C8orf34: variants seen among roughly 807,000 people sequenced by gnomAD.
C8orf34 encodes uncharacterized protein C8orf34.
A neutral mutation model predicts 68.3 loss-of-function variants in C8orf34; 65 were observed. That is an observed-to-expected ratio of 0.95 (90% confidence interval 0.78 to 1.17). C8orf34 has a LOEUF of 1.17. C8orf34 is among the 50% of genes most tolerant of loss of function. C8orf34 has a pLI of 0.00. For missense variants in C8orf34, 664 were observed against 655.4 expected, an observed-to-expected ratio of 1.01 and a Z score of -0.14; for synonymous variants, 244 against 241.2, an observed-to-expected ratio of 1.01 and a Z score of -0.11.
At chr8:68,422,025 C>T (rs1340481498) in intron 1 of C8orf34, among the ~76,000 whole-genome samples, 1 of 152,180 alleles carries the variant, frequency 6.6e-6, no homozygotes, top group African/African-American at 2.4e-5. Context: ...ATTACCTCCA[C>T]CTGGTTCCAC....
intron 1 of C8orf34, among the ~76,000 whole-genome samples, chr8:68,399,371 A>G (rs1340158015): frequency 6.6e-6 from 1 of 152,044 alleles, no homozygotes; most frequent in Non-Finnish European, 1.5e-5. Flanking sequence ...GTCCATGTGT[A>G]CAGATTATTT....
At chr8:68,433,398 G>A (rs937638803) in intron 1 of C8orf34, among the ~76,000 whole-genome samples, 2 of 152,102 alleles carry the variant, frequency 1.3e-5, no homozygotes, top group African/African-American at 4.8e-5. Context: ...ACAATGCCCT[G>A]CATATGTATT....
intron 1 of C8orf34, among the ~76,000 whole-genome samples, chr8:68,382,373 C>T (rs1397240896): frequency 1.3e-5 from 2 of 152,144 alleles, no homozygotes; most frequent in Admixed American, 1.3e-4. Context: ...GTTTCCTCAT[C>T]TGTGATACAG....
At chr8:68,593,629 C>G (rs1817459980) in intron 7 of C8orf34, among the ~76,000 whole-genome samples, 1 of 151,870 alleles carries the variant, frequency 6.6e-6, no homozygotes, top group African/African-American at 2.4e-5. Context: ...TTTATATTTT[C>G]CTGTTCACAT....
chr8:68,567,894 C>G (rs1234028990), intron 7 of C8orf34, among the ~76,000 whole-genome samples: 1 of 151,872 alleles, frequency 6.6e-6, no homozygotes, highest in Non-Finnish European at 1.5e-5. Context: ...GCCTTCCTCA[C>G]TAAGCTAAAT....
Position 68,709,042 on chromosome 8 carries a change from A to T in C8orf34, c.1290A>T (p.Ile430=). Residue 430 remains isoleucine (I), a synonymous_variant, in exon 9 of 14, where the codon ATA becomes ATT. Coordinates refer to ENST00000518698, the MANE Select transcript of C8orf34 (RefSeq NM_052958.4). ...LEERTEESLP[I]LHSPDEKIPD... ...AAAGGACAGAAGAGTCACTACCAATACTCCATTCTCCAGATGAAAAAATCC... is the reference window on the plus strand; with the variant it reads ...AAAGGACAGAAGAGTCACTACCAATTCTCCATTCTCCAGATGAAAAAATCC... The T allele has an allele frequency of 1.2e-6, 2 of 1,610,926 alleles. No homozygotes were observed. Among genetic ancestry groups the T allele is most frequent in the Non-Finnish European group, 1.7e-6 (2 of 1,179,076 alleles).
chr8:68,371,426 C>T (rs972391093), intron 1 of C8orf34, among the ~76,000 whole-genome samples: 3 of 146,554 alleles, frequency 2.0e-5, no homozygotes, highest in African/African-American at 8.1e-5. Flanking sequence ...TATTTTATGA[C>T]ATTCTATATG....
intron 7 of C8orf34, among the ~76,000 whole-genome samples, chr8:68,638,569 C>CGCTATGTT (rs1428745859): frequency 6.6e-6 from 1 of 151,792 alleles, no homozygotes; most frequent in African/African-American, 2.4e-5. Context: ...TAAACATCTT[C>CGCTATGTT]TCTATGTTTG....
intron 1 of C8orf34, among the ~76,000 whole-genome samples, chr8:68,412,923 C>T (rs1474771336): frequency 1.3e-5 from 2 of 152,162 alleles, no homozygotes; most frequent in Non-Finnish European, 2.9e-5. Flanking sequence ...TCCTATCAAG[C>T]TTAAACTCTG....
At chr8:68,372,290 T>A (rs1296404322) in intron 1 of C8orf34, among the ~76,000 whole-genome samples, 1 of 152,086 alleles carries the variant, frequency 6.6e-6, no homozygotes, top group Non-Finnish European at 1.5e-5. Flanking sequence ...AAAACTGGGA[T>A]AACATGAGGT....
chr8:68,451,969 A>G lies in C8orf34; in HGVS notation c.607+5509A>G, dbSNP rs983190983. 5.3e-5 allele frequency among the ~76,000 whole-genome samples: 8 copies of G among 152,044 alleles called. No individual in the cohort carries two copies. The South Asian group carries it at 1.7e-3, about 31-fold the overall frequency. On this transcript the variant is annotated intron_variant, in intron 3 of 13. Coordinates refer to ENST00000518698, the MANE Select transcript of C8orf34 (RefSeq NM_052958.4). Reference sequence around the variant, plus strand: ...TGTATATCATACGAGTGAAATCACAATGTATGACCTTTTGTCTCTGACTTA... The same window carrying G: ...TGTATATCATACGAGTGAAATCACAGTGTATGACCTTTTGTCTCTGACTTA...
intron 7 of C8orf34, among the ~76,000 whole-genome samples, chr8:68,586,732 C>G (rs1025546942): frequency 2.6e-5 from 4 of 152,000 alleles, no homozygotes; most frequent in African/African-American, 9.7e-5. Flanking sequence ...AAACAAATAG[C>G]AAGCTTAATA....
chr8:68,648,845 A>G (rs896467420), intron 8 of C8orf34, among the ~76,000 whole-genome samples: 2 of 152,204 alleles, frequency 1.3e-5, no homozygotes, highest in African/African-American at 4.8e-5. Flanking sequence ...GAGTCTAGTT[A>G]TATGTGGTCT....
intron 4 of C8orf34, among the ~76,000 whole-genome samples, chr8:68,479,376 T>G (rs1168471737): frequency 6.7e-6 from 1 of 149,348 alleles, no homozygotes; most frequent in Admixed American, 6.8e-5. Flanking sequence ...GTTTCTTCTG[T>G]GCATGTATCA....
At chr8:68,357,146 G>C (rs814440) in intron 1 of C8orf34, among the ~76,000 whole-genome samples, 1 of 151,452 alleles carries the variant, frequency 6.6e-6, no homozygotes, top group Non-Finnish European at 1.5e-5. Flanking sequence ...AAATATAATC[G>C]TCTTAGTATT....
chr8:68,361,144 G>A (rs928831432), intron 1 of C8orf34, among the ~76,000 whole-genome samples: 9 of 152,128 alleles, frequency 5.9e-5, no homozygotes, highest in Non-Finnish European at 1.2e-4. Context: ...ATTGTGGAGT[G>A]CCCATGAGAA....
intron 2 of C8orf34, among the ~76,000 whole-genome samples, chr8:68,441,521 T>C (rs1430216613): frequency 6.6e-6 from 1 of 152,132 alleles, no homozygotes; most frequent in Non-Finnish European, 1.5e-5. Flanking sequence ...AAAATGGAGT[T>C]GGGGTCTAGC....
At chr8:68,348,894 G>A (rs1806391589) in intron 1 of C8orf34, among the ~76,000 whole-genome samples, 1 of 151,868 alleles carries the variant, frequency 6.6e-6, no homozygotes, top group Non-Finnish European at 1.5e-5. Flanking sequence ...TATAGATATA[G>A]AATCATGTCA....
intron 7 of C8orf34, among the ~76,000 whole-genome samples, chr8:68,602,280 A>G (rs1341909163): frequency 2.0e-5 from 3 of 152,178 alleles, no homozygotes; most frequent in Middle Eastern, 3.4e-3. Flanking sequence ...TGCTGACACC[A>G]TTGTTGGGGA....
Sources: gnomAD v4.1 joint callset for allele counts (sites outside exome capture counted in the v4.1 genomes callset) on GRCh38, gnomAD v4.1.1 for gene constraint, MANE v1.5 for transcripts, NCBI Gene and HGNC (gene_info 2026-07-23, HGNC 2026-07-21) for gene names.